Variants in PEAK1 observed in about 807,000 individuals in gnomAD.
The protein encoded by PEAK1 is pseudopodium enriched atypical kinase 1, also known as inactive tyrosine-protein kinase PEAK1.
In PEAK1, 54 loss-of-function variants were observed where a neutral mutation model predicts 124.7. The observed-to-expected ratio is 0.43, with a 90% CI of 0.35 to 0.54. The LOEUF is 0.54. Ranked by LOEUF, PEAK1 falls within the 20% of genes least tolerant of loss-of-function variation. The pLI, the probability that PEAK1 is intolerant of heterozygous loss-of-function variation, is 0.01. For missense variants in PEAK1, 2,046 were observed against 2,134.5 expected (o/e 0.96, Z 0.82); for synonymous variants, 719 against 760.0 (o/e 0.95, Z 0.89).
intron 2 of PEAK1, among the ~76,000 whole-genome samples, chr15:77,295,558 T>A (rs760901517): frequency 6.6e-6 from 1 of 152,196 alleles, no homozygotes; most frequent in Non-Finnish European, 1.5e-5. Context: ...CTCTTTTCCA[T>A]GTAGGTTACC....
chr15:77,261,313 C>T (rs1016574017), intron 5 of PEAK1, among the ~76,000 whole-genome samples: 2 of 152,144 alleles, frequency 1.3e-5, no homozygotes, highest in Non-Finnish European at 2.9e-5. Context: ...TTCAGACGAT[C>T]AAACTACTCC....
chr15:77,174,760 T>A (rs559697995), intron 7 of PEAK1, among the ~76,000 whole-genome samples: 233 of 152,256 alleles, frequency 1.5e-3, no homozygotes, highest in African/African-American at 5.4e-3. Context: ...ACTTTAAAGT[T>A]CATATGAAAC....
intron 2 of PEAK1, among the ~76,000 whole-genome samples, chr15:77,286,924 T>A (rs2062959495): frequency 6.6e-6 from 1 of 152,164 alleles, no homozygotes; most frequent in Non-Finnish European, 1.5e-5. Flanking sequence ...TATATAAAAC[T>A]TTGATAATCC....
At chr15:77,358,356 T>C (rs1035781628) in intron 2 of PEAK1, among the ~76,000 whole-genome samples, 3 of 152,206 alleles carry the variant, frequency 2.0e-5, no homozygotes, top group Non-Finnish European at 4.4e-5. Context: ...TGATAGTCTC[T>C]TCTTCATCTC....
chr15:77,133,313 G>A lies in PEAK1; in HGVS notation c.3769C>T (p.Arg1257Trp), dbSNP rs374379409. 1.2e-5 allele frequency: 19 copies of A among 1,614,232 alleles called. No individual in the cohort carries two copies. In the African/African-American group the frequency reaches 1.7e-4, roughly 15 times the overall value. Residue 1257 changes from arginine to tryptophan, a missense_variant, in exon 9 of 10, where the codon CGG (arginine) becomes TGG (tryptophan). Arg to Trp is a moderately radical substitution (Grantham distance 101). Coordinates refer to ENST00000682557, the MANE Select transcript of PEAK1 (RefSeq NM_001385026.1). This position sits in a 1 kb window ranked among gnomAD's most constrained non-coding sequence, Gnocchi z 4.2. ...FSNSMESLSS[R>W]RGPSCRQGRG... ...CCCTGTCTGCAAGAGGGCCCACGCC[G>A]GCTGGAGAGGGATTCCATGCTGTTG...
At chr15:77,195,786 A>G (rs1205623332) in intron 6 of PEAK1, among the ~76,000 whole-genome samples, 1 of 152,244 alleles carries the variant, frequency 6.6e-6, no homozygotes, top group Non-Finnish European at 1.5e-5. Context: ...AATCAGGCCT[A>G]TTCAATGAAT....
At chr15:77,137,236 G>C (rs973258851) in intron 8 of PEAK1, among the ~76,000 whole-genome samples, 4 of 152,242 alleles carry the variant, frequency 2.6e-5, no homozygotes, top group African/African-American at 4.8e-5. Flanking sequence ...GTGTGAAAGG[G>C]AAATGTGGGG....
In PEAK1 at chr15:77,414,061, G is replaced by A. The variant is rs762420432; in HGVS notation, c.-666+5945C>T. On this transcript the variant is annotated intron_variant, in intron 1 of 9. Coordinates refer to ENST00000682557, the MANE Select transcript of PEAK1 (RefSeq NM_001385026.1). The stretch of plus-strand genomic sequence containing the variant: ...TGGTCTTAAACTCCTGGGCTCAGAC[G>A]ATCTTCCCACTTCAGCCTCCCATAG... Among the ~76,000 whole-genome samples, 45 of 152,072 alleles carry A rather than the reference G, an allele frequency of 3.0e-4. 1 individual carries two copies. The highest frequency in any genetic ancestry group is 6.5e-4 in the Admixed American group (10 of 15,280).
chr15:77,254,354 A>G (rs888067965), intron 5 of PEAK1, among the ~76,000 whole-genome samples: 5 of 152,046 alleles, frequency 3.3e-5, no homozygotes, highest in African/African-American at 4.8e-5. Context: ...CATTCAGGAT[A>G]TGTTCTTTTA....
chr15:77,242,475 T>C (rs1035674373), intron 6 of PEAK1, among the ~76,000 whole-genome samples: 1 of 152,122 alleles, frequency 6.6e-6, no homozygotes, highest in Non-Finnish European at 1.5e-5. Context: ...CTCTAGGCTA[T>C]CTGCTCAAAG....
intron 1 of PEAK1, chr15:77,417,452 T>TG: frequency 1.2e-5 from 2 of 160,560 alleles, no homozygotes; most frequent in Non-Finnish European, 1.4e-5. Flanking sequence ...GGTGGGGGGA[T>TG]GCGGGGCGGG....
At chr15:77,281,310 A>G (rs1210725854) in intron 5 of PEAK1, among the ~76,000 whole-genome samples, 1 of 152,196 alleles carries the variant, frequency 6.6e-6, no homozygotes, top group African/African-American at 2.4e-5. Context: ...GCTGGAGAAA[A>G]GAAAGTAAGC....
chr15:77,150,532 T>C (rs2054522688), intron 8 of PEAK1, among the ~76,000 whole-genome samples: 2 of 152,288 alleles, frequency 1.3e-5, no homozygotes, highest in South Asian at 4.1e-4. Flanking sequence ...TTTATTACAC[T>C]TTAAGTTTTA....
intron 5 of PEAK1, among the ~76,000 whole-genome samples, chr15:77,282,118 T>C (rs1370274801): frequency 6.6e-6 from 1 of 152,206 alleles, no homozygotes; most frequent in Non-Finnish European, 1.5e-5. Context: ...ATAAATCAAA[T>C]TTATTTCCTG....
intron 3 of PEAK1, among the ~76,000 whole-genome samples, chr15:77,285,440 A>G (rs1233659765): frequency 6.6e-6 from 1 of 152,220 alleles, no homozygotes; most frequent in Non-Finnish European, 1.5e-5. Flanking sequence ...TGAAATACAT[A>G]TGTCCTCCAC....
At chr15:77,414,145 TTTCC>T (rs1295283708) in intron 1 of PEAK1, among the ~76,000 whole-genome samples, 1 of 146,670 alleles carries the variant, frequency 6.8e-6, no homozygotes, top group Non-Finnish European at 1.6e-5. Flanking sequence ...CTTTTCTTTC[TTTCC>T]TTCCTTCCTT....
chr15:77,325,475 C>T (rs1045774067), intron 2 of PEAK1, among the ~76,000 whole-genome samples: 2 of 151,394 alleles, frequency 1.3e-5, no homozygotes, highest in Non-Finnish European at 2.9e-5. Context: ...AACACTTTTT[C>T]CTTGGTGTGA....
chr15:77,414,774 G>T (rs2072737807), intron 1 of PEAK1, among the ~76,000 whole-genome samples: 1 of 152,204 alleles, frequency 6.6e-6, no homozygotes, highest in East Asian at 1.9e-4. Context: ...ACAAATAGAA[G>T]CTAGTATTAT....
intron 8 of PEAK1, among the ~76,000 whole-genome samples, chr15:77,151,322 T>C (rs1160950639): frequency 6.6e-6 from 1 of 152,176 alleles, no homozygotes; most frequent in East Asian, 1.9e-4. Flanking sequence ...TTTTGAGAAG[T>C]GTCTGTTCAT....
Sources: gnomAD v4.1 joint callset for allele counts (sites outside exome capture counted in the v4.1 genomes callset) on GRCh38, gnomAD v4.1.1 for gene constraint, Gnocchi (gnomAD v3.1) non-coding constraint, MANE v1.5 for transcripts, NCBI Gene and HGNC (gene_info 2026-07-23, HGNC 2026-07-21) for gene names.